Variants in SMIM14 observed in about 807,000 individuals in gnomAD.
The protein encoded by SMIM14 is small integral membrane protein 14.
A neutral mutation model predicts 12.6 loss-of-function variants in SMIM14; 5 were observed. The observed-to-expected ratio is 0.40, with a 90% CI of 0.21 to 0.83. The LOEUF (loss-of-function observed/expected upper bound fraction) is 0.83, where lower values mean the gene tolerates loss of function less well. SMIM14 is among the 40% of genes least tolerant of loss of function. SMIM14 has a pLI of 0.37. For synonymous variants in SMIM14, 30 were observed against 40.1 expected, an observed-to-expected ratio of 0.75 and a Z score of 0.95; for missense variants, 86 against 119.1, an observed-to-expected ratio of 0.72 and a Z score of 1.29.
At position 39,549,850 on chromosome 4, in the gene SMIM14, A is replaced by G. The variant is rs1711578923; in HGVS notation, c.*2276T>C. 6.6e-6 allele frequency: 1 copy of G among 152,224 alleles called. No individual in the cohort carries two copies. Among genetic ancestry groups the G allele is most frequent in the African/African-American group, 2.4e-5 (1 of 41,462 alleles). 9.4% of individuals were successfully genotyped at this position (152,224 alleles called of 1,614,324 possible). On this transcript the variant is annotated 3_prime_UTR_variant, in exon 5 of 5. Coordinates refer to ENST00000295958, the MANE Select transcript of SMIM14 (RefSeq NM_174921.3). The stretch of plus-strand genomic sequence containing the variant: ...GAAAAACCTTTATTCTGTGGGGCTC[A>G]TTTATCCAGGATTTAACTTACCTGT...
At chr4:39,629,810 A>G in intron 1 of SMIM14, among the ~76,000 whole-genome samples, 1 of 151,912 alleles carries the variant, frequency 6.6e-6, no homozygotes, top group East Asian at 1.9e-4. Context: ...TTTTTTGTAG[A>G]GAGAGGGGGT....
In SMIM14 at chr4:39,619,925, G is replaced by A. The variant is rs192674101; in HGVS notation, c.-35-14745C>T. On this transcript the variant is annotated intron_variant, in intron 1 of 4. Coordinates refer to ENST00000295958, the MANE Select transcript of SMIM14 (RefSeq NM_174921.3). ...TAGGGACTCACGCTCTGTGGCCCAC[G>A]CTAGAGTGCAATGGCAATCATAGCT... Among the ~76,000 whole-genome samples the A allele has an allele frequency of 6.7e-3, 962 of 143,778 alleles. 5 individuals are homozygous for A. The highest frequency in any genetic ancestry group is 9.1e-3 in the Non-Finnish European group (608 of 66,780). 94.3% of individuals were successfully genotyped at this position (143,778 alleles called of 152,430 possible). A position where few individuals can be genotyped will look rare whatever the true frequency, so the allele number is the denominator to read the frequency against.
At chr4:39,600,565 T>C (rs142905714) in intron 2 of SMIM14, among the ~76,000 whole-genome samples, 227 of 152,058 alleles carry the variant, frequency 1.5e-3, no homozygotes, top group African/African-American at 5.3e-3. Context: ...TGGCAGGCGC[T>C]TGTAATCCCA....
At chr4:39,607,786 TGATA>T (rs1236098111) in intron 1 of SMIM14, among the ~76,000 whole-genome samples, 2 of 151,866 alleles carry the variant, frequency 1.3e-5, no homozygotes, top group Non-Finnish European at 2.9e-5. Flanking sequence ...ATCATCTGTT[TGATA>T]AAGGTTTAGT....
rs1238132379 is a variant in SMIM14 at position 39,558,184 on chromosome 4, C to T, written c.125-1614G>A. On this transcript the variant is annotated intron_variant, in intron 3 of 4. Transcript: ENST00000295958. This position sits in a 1 kb window ranked among gnomAD's most constrained non-coding sequence, Gnocchi z 4.3. ...TTTTTTATTGAAGTATATTAGAGAA[C>T]TCAATTTTCAGAAATAAAAATGGCC... Among the ~76,000 whole-genome samples the T allele has an allele frequency of 1.3e-5, 2 of 152,208 alleles. No individual in the cohort carries two copies. Among genetic ancestry groups the T allele is most frequent in the Admixed American group, 1.3e-4 (2 of 15,270 alleles).
chr4:39,549,906 T>C lies in SMIM14; in HGVS notation c.*2220A>G, dbSNP rs920502856. ...GTTACCGATCTATTAACACAAGTAA[T>C]TTAGAGTTGGTTATATTATTTCAAG... On this transcript the variant is annotated 3_prime_UTR_variant, in exon 5 of 5. Transcript: ENST00000295958. The C allele has an allele frequency of 1.1e-4, 16 of 152,136 alleles. No homozygotes were observed. Among genetic ancestry groups the C allele is most frequent in the Admixed American group, 8.5e-4 (13 of 15,272 alleles). The allele number at this position is 152,136 out of a possible 1,614,324, so 9.4% of individuals were successfully genotyped here.
rs1432369898 is a variant in SMIM14, at chr4:39,581,518, C to CTTT, written c.76-9058_76-9056dup. Reference sequence around the variant, plus strand: ...TTTTCGTTTTTTTCCTTTTCTTTTTCTTTTTTTTTTTTTTTGAGACAGGGT... The same window carrying CTTT: ...TTTTCGTTTTTTTCCTTTTCTTTTTCTTTTTTTTTTTTTTTTTTGAGACAGGGT... On this transcript the variant is annotated intron_variant, in intron 2 of 4. Coordinates refer to ENST00000295958, the MANE Select transcript of SMIM14 (RefSeq NM_174921.3). Among the ~76,000 whole-genome samples, 5 of 132,084 alleles carry CTTT rather than the reference C, an allele frequency of 3.8e-5. 1 individual carries two copies. Among genetic ancestry groups the CTTT allele is most frequent in the African/African-American group, 1.1e-4 (4 of 36,722 alleles). 86.7% of individuals were successfully genotyped at this position (132,084 alleles called of 152,430 possible).
chr4:39,605,187 G>A lies in SMIM14; in HGVS notation c.-35-7C>T, dbSNP rs1407648934. 1 of 1,530,858 alleles carries A rather than the reference G, an allele frequency of 6.5e-7. No homozygotes were observed. The highest frequency in any genetic ancestry group is 2.0e-5 in the Admixed American group (1 of 48,798). 94.8% of individuals were successfully genotyped at this position (1,530,858 alleles called of 1,614,324 possible). ...TTTACTTGACTGTTTAAATCTAGGA[G>A]GAAGGAAAAAATACTGTTAAGTCTA... On this transcript the variant is annotated splice_polypyrimidine_tract_variant and splice_region_variant and intron_variant, in intron 1 of 4. Coordinates refer to ENST00000295958, the MANE Select transcript of SMIM14 (RefSeq NM_174921.3).
At chr4:39,589,729 T>C (rs1293454318) in intron 2 of SMIM14, 1 of 152,114 alleles carries the variant, frequency 6.6e-6, no homozygotes, top group South Asian at 2.1e-4. Flanking sequence ...GGTATAAGGA[T>C]ATGAGTTACT....
intron 1 of SMIM14, among the ~76,000 whole-genome samples, chr4:39,626,724 A>C (rs1400995293): frequency 1.3e-5 from 2 of 152,340 alleles, no homozygotes; most frequent in East Asian, 3.9e-4. Flanking sequence ...CTTTGGAGAA[A>C]GCTCAAAACT....
chr4:39,597,085 C>CTT (rs35373264), intron 2 of SMIM14, among the ~76,000 whole-genome samples: 44 of 133,742 alleles, frequency 3.3e-4, no homozygotes, highest in African/African-American at 8.9e-4. Context: ...CCAGGTTTCC[C>CTT]TTTTTTTTTT....
chr4:39,593,286 G>C (rs1340930499), intron 2 of SMIM14: 2 of 152,136 alleles, frequency 1.3e-5, no homozygotes, highest in Admixed American at 6.6e-5. Context: ...CATATAAACA[G>C]AACCAAAGAC....
intron 1 of SMIM14, among the ~76,000 whole-genome samples, chr4:39,620,714 T>A (rs561306869): frequency 5.3e-5 from 8 of 152,322 alleles, no homozygotes; most frequent in Non-Finnish European, 1.2e-4. Flanking sequence ...TTACTATTAC[T>A]GTTTCTACAA....
chr4:39,607,441 C>T (rs928594850), intron 1 of SMIM14, among the ~76,000 whole-genome samples: 2 of 152,110 alleles, frequency 1.3e-5, no homozygotes, highest in African/African-American at 4.8e-5. Context: ...ATATTTAGTG[C>T]TTATGCTAAG....
chr4:39,626,476 G>GCCCA (rs1328680575), intron 1 of SMIM14, among the ~76,000 whole-genome samples: 2 of 152,232 alleles, frequency 1.3e-5, no homozygotes, highest in East Asian at 3.9e-4. Context: ...CACAGGAGGT[G>GCCCA]GGATTCAAAC....
intron 4 of SMIM14, among the ~76,000 whole-genome samples, chr4:39,554,208 C>G (rs999992696): frequency 6.6e-6 from 1 of 152,168 alleles, no homozygotes; most frequent in Non-Finnish European, 1.5e-5. Context: ...CATGGTGGCT[C>G]ATGCCTGTAA....
intron 2 of SMIM14, among the ~76,000 whole-genome samples, chr4:39,604,824 T>A (rs1193460391): frequency 6.6e-6 from 1 of 152,154 alleles, no homozygotes; most frequent in Non-Finnish European, 1.5e-5. Flanking sequence ...TTGGCCAAAC[T>A]GGTCTCGAAC....
chr4:39,621,693 T>C lies in SMIM14; in HGVS notation c.-35-16513A>G, dbSNP rs75296822. 5.8e-3 allele frequency among the ~76,000 whole-genome samples: 768 copies of C among 132,366 alleles called. 5 individuals are homozygous for C. Among genetic ancestry groups the C allele is most frequent in the African/African-American group, 0.025 (656 of 26,130 alleles). 86.8% of individuals were successfully genotyped at this position (132,366 alleles called of 152,430 possible). ...TTATACAGCCAAACGTTTCTTTTTT[T>C]TTTTTTTTTTTTTTTTTGAGAAAGG... On this transcript the variant is annotated intron_variant, in intron 1 of 4. Coordinates refer to ENST00000295958, the MANE Select transcript of SMIM14 (RefSeq NM_174921.3).
At position 39,567,143 on chromosome 4, in the gene SMIM14, GA is replaced by G. The variant is rs1168446466; in HGVS notation, c.124+5271del. 5.3e-3 allele frequency among the ~76,000 whole-genome samples: 380 copies of G among 72,030 alleles called. 1 individual carries two copies. Among genetic ancestry groups the G allele is most frequent in the Middle Eastern group, 0.017 (1 of 60 alleles). 47.3% of individuals were successfully genotyped at this position (72,030 alleles called of 152,430 possible). A position where few individuals can be genotyped will look rare whatever the true frequency, so the allele number is the denominator to read the frequency against. On this transcript the variant is annotated intron_variant, in intron 3 of 4. Coordinates refer to ENST00000295958, the MANE Select transcript of SMIM14 (RefSeq NM_174921.3). ...AGAGCAAAACTCCATCTCAAAAAAA[GA>G]AAAAAAAAAAAAAAAAAAAAAAAAA...
Sources: allele counts gnomAD v4.1 joint callset (sites outside exome capture counted in the v4.1 genomes callset), GRCh38; gene constraint gnomAD v4.1.1; non-coding constraint Gnocchi (gnomAD v3.1); transcripts MANE v1.5; gene names NCBI Gene and HGNC (gene_info 2026-07-23, HGNC 2026-07-21).